DNAH11: variants seen among roughly 807,000 people sequenced by gnomAD.
The protein encoded by DNAH11 is dynein axonemal heavy chain 11.
Under a neutral mutation model 526.0 loss-of-function variants are expected in DNAH11, and 442 were observed. The observed-to-expected ratio is 0.84, with a 90% CI of 0.78 to 0.91. The LOEUF (loss-of-function observed/expected upper bound fraction) is 0.91. DNAH11 is among the 40% of genes least tolerant of loss of function. The probability of loss-of-function intolerance (pLI) is 0.00; values close to 1 mark genes in which losing one functional copy is unlikely to be tolerated. For missense variants in DNAH11, 6,989 were observed against 5,448.7 expected, an observed-to-expected ratio of 1.28 and a Z score of -8.90; for synonymous variants, 2,461 against 1,935.9, an observed-to-expected ratio of 1.27 and a Z score of -7.12.
At position 21,864,610 on chromosome 7, in the gene DNAH11, C is replaced by CT. The variant is rs1278872387; in HGVS notation, c.11450dup (p.Ser3818GlufsTer4). ...TCGATTCACAGTTGAACACACTCAT[C>CT]TGAGTCCCGTTGACTTCCTAACTTC... On this transcript the variant is annotated frameshift_variant, in exon 70 of 82. Coordinates refer to ENST00000409508, the MANE Select transcript of DNAH11 (RefSeq NM_001277115.2). LOFTEE classifies it high-confidence loss of function. 1 of 1,609,796 alleles carries CT rather than the reference C, an allele frequency of 6.2e-7. No individual in the cohort carries two copies. The highest frequency in any genetic ancestry group is 8.5e-7 in the Non-Finnish European group (1 of 1,177,956).
chr7:21,822,247 C>G (rs897913168), intron 65 of DNAH11, among the ~76,000 whole-genome samples: 6 of 152,040 alleles, frequency 3.9e-5, no homozygotes, highest in South Asian at 2.1e-4. Flanking sequence ...TCTGGTGAAG[C>G]CTCAGGAGGC....
At chr7:21,624,262 A>G (rs369712276) in intron 25 of DNAH11, among the ~76,000 whole-genome samples, 2 of 152,132 alleles carry the variant, frequency 1.3e-5, no homozygotes, top group African/African-American at 4.8e-5. Flanking sequence ...TGTGGTTTTT[A>G]GTATACAGAT....
intron 22 of DNAH11, among the ~76,000 whole-genome samples, 152 bp from the exon 23 acceptor site, chr7:21,617,467 G>A (rs748544407): frequency 9.2e-5 from 14 of 152,124 alleles, no homozygotes; most frequent in Non-Finnish European, 1.6e-4. Flanking sequence ...ATCCCTTTTC[G>A]TTTCTCTGGT....
chr7:21,901,257 T>C lies in DNAH11; in HGVS notation c.*3T>C. 7 of 1,607,732 alleles carry C rather than the reference T, an allele frequency of 4.4e-6. No individual in the cohort carries two copies. The highest frequency in any genetic ancestry group is 6.0e-6 in the Non-Finnish European group (7 of 1,176,418). ...TGGCTCTGCTTCTAGAAGCGTAAGG[T>C]AACACTGGCATTCCTCTAGCCTCTG... On this transcript the variant is annotated 3_prime_UTR_variant, in exon 82 of 82. Transcript: ENST00000409508.
At chr7:21,784,287 C>A (rs1788078610) in intron 57 of DNAH11, 140 bp from the exon 58 acceptor site, 2 of 654,642 alleles carry the variant, frequency 3.1e-6, no homozygotes, top group African/African-American at 1.8e-5. Flanking sequence ...GAAAATTAGT[C>A]TGTTTAACAA....
chr7:21,677,479 T>C (rs559326594), intron 30 of DNAH11, among the ~76,000 whole-genome samples: 1 of 151,932 alleles, frequency 6.6e-6, no homozygotes, highest in African/African-American at 2.4e-5. Flanking sequence ...CATCTCAGAG[T>C]CAAGCGATTC....
rs374916707 is a variant in DNAH11 at position 21,711,897 on chromosome 7, A to G, written c.6983+37A>G. 1.8e-4 allele frequency: 279 copies of G among 1,564,188 alleles called. No homozygotes were observed. The African/African-American group carries it at 3.4e-3, about 19-fold the overall frequency. The stretch of plus-strand genomic sequence containing the variant: ...TTTTTGTTTTATTGTAGTAAATTGT[A>G]TGTAACATAACATTTACCATTTTCA... On this transcript the variant is annotated intron_variant, in intron 42 of 81. Transcript: ENST00000409508.
At chr7:21,640,007 T>G (rs1039015459) in intron 28 of DNAH11, among the ~76,000 whole-genome samples, 19 of 152,228 alleles carry the variant, frequency 1.2e-4, no homozygotes, top group African/African-American at 4.6e-4. Context: ...TCTCTCTTGT[T>G]CATCACTTAA....
Position 21,704,605 on chromosome 7 carries a change from C to G in DNAH11, c.6445C>G (p.Pro2149Ala). 2.5e-6 allele frequency: 4 copies of G among 1,603,010 alleles called. No homozygotes were observed. Among genetic ancestry groups the G allele is most frequent in the Non-Finnish European group, 3.4e-6 (4 of 1,177,068 alleles). Residue 2149 changes from proline to alanine, a missense_variant, in exon 38 of 82, where the codon CCT becomes GCT. Coordinates refer to ENST00000409508, the MANE Select transcript of DNAH11 (RefSeq NM_001277115.2). ...RQSTLELRLQ[P>A]EESFILKVVQ... is the part of the protein sequence containing the mutation. ...GTCTACCCTGGAGCTCCGCCTGCAG[C>G]CTGAAGAGAGCTTCATCCTCAAAGT... is the stretch of plus-strand genomic sequence containing the variant.
chr7:21,627,329 A>G (rs1786387294), intron 25 of DNAH11, among the ~76,000 whole-genome samples: 5 of 151,920 alleles, frequency 3.3e-5, no homozygotes, highest in African/African-American at 7.2e-5. Context: ...TTGAAGTCTT[A>G]CACACACACA....
intron 79 of DNAH11, among the ~76,000 whole-genome samples, chr7:21,898,745 G>GT (rs542807372): frequency 1.6e-4 from 24 of 152,184 alleles, no homozygotes; most frequent in Non-Finnish European, 3.2e-4. Flanking sequence ...GAACATGTAC[G>GT]TAACAGCAGC....
intron 8 of DNAH11, among the ~76,000 whole-genome samples, chr7:21,576,541 C>T (rs1042029973): frequency 2.6e-5 from 4 of 152,184 alleles, no homozygotes; most frequent in Non-Finnish European, 4.4e-5. Context: ...AAGACCCTAT[C>T]AAGCAAGTAA....
chr7:21,715,078 A>G (rs147672317), intron 42 of DNAH11, among the ~76,000 whole-genome samples: 145 of 152,332 alleles, frequency 9.5e-4, no homozygotes, highest in Middle Eastern at 3.4e-3. Context: ...AACTTCAGAA[A>G]TAATTGGTAT....
intron 41 of DNAH11, among the ~76,000 whole-genome samples, chr7:21,710,948 A>G (rs1187825877): frequency 6.6e-6 from 1 of 152,230 alleles, no homozygotes; most frequent in Non-Finnish European, 1.5e-5. Context: ...TACAGATCTA[A>G]GAATTTAGTT....
intron 11 of DNAH11, 118 bp downstream of exon 11, chr7:21,588,754 C>T (rs774628272): frequency 4.1e-6 from 5 of 1,220,478 alleles, no homozygotes; most frequent in Non-Finnish European, 5.8e-6. Context: ...TCACTTCTCT[C>T]ACTGGTTGGG....
chr7:21,571,736 T>C, intron 7 of DNAH11, 70 bp from the exon 8 acceptor site: 1 of 1,210,840 alleles, frequency 8.3e-7, no homozygotes, highest in Non-Finnish European at 1.1e-6. Context: ...GAAAATGTTC[T>C]TGATTTGAAA....
At chr7:21,779,358 G>A (rs1787836729) in intron 57 of DNAH11, among the ~76,000 whole-genome samples, 1 of 152,102 alleles carries the variant, frequency 6.6e-6, no homozygotes, top group South Asian at 2.1e-4. Flanking sequence ...GCATATAATG[G>A]ATGTGGATCT....
chr7:21,726,005 A>C, intron 45 of DNAH11, 21 bp downstream of exon 45: 2 of 1,525,392 alleles, frequency 1.3e-6, no homozygotes, highest in South Asian at 2.5e-5. Flanking sequence ...GGAACATAGC[A>C]ATTGTATTAG....
intron 51 of DNAH11, among the ~76,000 whole-genome samples, chr7:21,746,773 C>A (rs1786170237): frequency 6.6e-6 from 1 of 152,150 alleles, no homozygotes; most frequent in African/African-American, 2.4e-5. Flanking sequence ...GATCCCTTTG[C>A]AGTTGTGATC....
Sources: gnomAD v4.1 joint callset for allele counts (sites outside exome capture counted in the v4.1 genomes callset) on GRCh38, gnomAD v4.1.1 for gene constraint, MANE v1.5 for transcripts, NCBI Gene and HGNC (gene_info 2026-07-23, HGNC 2026-07-21) for gene names.